The following ITGA1 variants were observed in gnomAD, a reference collection of about 807,000 sequenced individuals.
ITGA1 encodes integrin alpha-1.
In ITGA1, 85 loss-of-function variants were observed where a neutral mutation model predicts 145.9. The ratio of observed to expected loss-of-function variants is 0.58; its 90% confidence interval spans 0.49 to 0.70. The LOEUF (loss-of-function observed/expected upper bound fraction) is 0.70. Among genes scored for constraint, ITGA1 ranks in the 30% least tolerant of loss-of-function variants. The pLI is 0.00. For synonymous variants in ITGA1, 520 were observed against 495.3 expected (o/e 1.05, Z -0.66); for missense variants, 1,351 against 1,418.7 (o/e 0.95, Z 0.77).
At chr5:52,878,907 A>G (rs1027680735) in intron 6 of ITGA1, among the ~76,000 whole-genome samples, 1 of 151,832 alleles carries the variant, frequency 6.6e-6, no homozygotes, top group South Asian at 2.1e-4. Context: ...AATGAGTTAA[A>G]TGTTTGCAAA....
At chr5:52,906,023 G>A (rs1439708896) in intron 12 of ITGA1, 115 bp downstream of exon 12, 15 of 843,808 alleles carry the variant, frequency 1.8e-5, no homozygotes, top group Middle Eastern at 7.4e-4. Context: ...TAACAACTGG[G>A]AACAGGGCCC....
intron 1 of ITGA1, among the ~76,000 whole-genome samples, chr5:52,815,902 G>T (rs1748760881): frequency 6.6e-6 from 1 of 152,046 alleles, no homozygotes; most frequent in South Asian, 2.1e-4. Flanking sequence ...ATAAATTAAG[G>T]TAGCTTAATT....
At chr5:52,850,105 T>G (rs370731764) in intron 2 of ITGA1, among the ~76,000 whole-genome samples, 25 of 151,336 alleles carry the variant, frequency 1.7e-4, no homozygotes, top group East Asian at 1.6e-3. Flanking sequence ...TGGGTTCAAG[T>G]GATTCTCCTG....
At chr5:52,937,357 A>G (rs773163046) in intron 23 of ITGA1, 44 bp from the exon 24 acceptor site, 3 of 1,282,444 alleles carry the variant, frequency 2.3e-6, no homozygotes, top group Admixed American at 1.7e-5. Context: ...GAAGAATTCT[A>G]TTAAAAGAGG....
chr5:52,847,561 TTTG>T (rs1749356442), intron 1 of ITGA1, among the ~76,000 whole-genome samples: 1 of 147,702 alleles, frequency 6.8e-6, no homozygotes, highest in Non-Finnish European at 1.5e-5. Flanking sequence ...TGTTTGTTTG[TTTG>T]GTTTGTTTGA....
chr5:52,911,071 G>A (rs1413599111), intron 14 of ITGA1, among the ~76,000 whole-genome samples: 1 of 128,788 alleles, frequency 7.8e-6, no homozygotes, highest in Non-Finnish European at 1.6e-5. Context: ...TGTATATAGT[G>A]TATATATAGT....
intron 6 of ITGA1, among the ~76,000 whole-genome samples, chr5:52,878,233 C>A (rs1257680354): frequency 6.6e-6 from 1 of 152,096 alleles, no homozygotes; most frequent in Non-Finnish European, 1.5e-5. Context: ...TGAAGAGAGT[C>A]TCAGGTAGAG....
At chr5:52,919,622 G>A (rs1178043347) in intron 16 of ITGA1, among the ~76,000 whole-genome samples, 1 of 152,170 alleles carries the variant, frequency 6.6e-6, no homozygotes, top group Non-Finnish European at 1.5e-5. Flanking sequence ...TGTTCCATAT[G>A]TGCATGTATA....
chr5:52,893,900 G>T, intron 9 of ITGA1, 60 bp downstream of exon 9: 4 of 1,332,922 alleles, frequency 3.0e-6, no homozygotes, highest in Admixed American at 2.2e-5. Flanking sequence ...AGTATAATGG[G>T]ATTTTTGTAT....
At chr5:52,822,504 T>C (rs2111706574) in intron 1 of ITGA1, among the ~76,000 whole-genome samples, 1 of 152,286 alleles carries the variant, frequency 6.6e-6, no homozygotes, top group South Asian at 2.1e-4. Flanking sequence ...CATTGCTAGT[T>C]TCCTAGAAGA....
chr5:52,843,946 T>C (rs1749296388), intron 1 of ITGA1, among the ~76,000 whole-genome samples: 1 of 152,006 alleles, frequency 6.6e-6, no homozygotes, highest in Non-Finnish European at 1.5e-5. Context: ...ATTACTGTTA[T>C]TATTATTATT....
chr5:52,906,568 A>G (rs2452864), intron 12 of ITGA1, among the ~76,000 whole-genome samples: 85,809 of 152,124 alleles, frequency 0.56, 24,712 homozygotes, highest in African/African-American at 0.66. Flanking sequence ...ACACACACAC[A>G]TATTAACTGA....
chr5:52,831,563 G>T (rs888518470), intron 1 of ITGA1, among the ~76,000 whole-genome samples: 27 of 150,632 alleles, frequency 1.8e-4, no homozygotes, highest in African/African-American at 6.6e-4. Flanking sequence ...GAATTTTTAG[G>T]ATTCATAAAA....
chr5:52,932,226 A>C (rs142664191), intron 22 of ITGA1, 90 bp downstream of exon 22: 1 of 744,640 alleles, frequency 1.3e-6, no homozygotes, highest in East Asian at 2.7e-5. Context: ...GGGCATCAGC[A>C]TCACCTGGAA....
intron 9 of ITGA1, among the ~76,000 whole-genome samples, chr5:52,896,710 G>A (rs1750232714): frequency 1.3e-5 from 2 of 152,050 alleles, no homozygotes; most frequent in Admixed American, 1.3e-4. Context: ...TGTGGCTTTG[G>A]GTTTGTGAAT....
chr5:52,798,940 A>G (rs1263428113), intron 1 of ITGA1, among the ~76,000 whole-genome samples: 5 of 152,198 alleles, frequency 3.3e-5, no homozygotes, highest in Non-Finnish European at 7.3e-5. Flanking sequence ...TGCGTGACCC[A>G]GTTCCCAGCT....
At position 52,955,182 on chromosome 5, in the gene ITGA1, T is replaced by C. The variant is rs1285021382; in HGVS notation, c.*2731T>C. 3 of 151,972 alleles carry C rather than the reference T, an allele frequency of 2.0e-5. No individual in the cohort carries two copies. Among genetic ancestry groups the C allele is most frequent in the Non-Finnish European group, 4.4e-5 (3 of 67,998 alleles). 9.4% of individuals were successfully genotyped at this position (151,972 alleles called of 1,614,324 possible). A position where few individuals can be genotyped will look rare whatever the true frequency, so the allele number is the denominator to read the frequency against. ...AGGGAAAAAAAAAACAGTCTCTGAT[T>C]TGTATCATTTGCCAATTTCCATGGT... On this transcript the variant is annotated 3_prime_UTR_variant, in exon 29 of 29. Transcript: ENST00000282588.
chr5:52,915,635 C>A lies in ITGA1; in HGVS notation c.1988+41C>A. On this transcript the variant is annotated intron_variant, in intron 15 of 28. Transcript: ENST00000282588. ...ACATCCTGTTAATCTGAGACTGGGT[C>A]ACTTGCAGAGCTCCCAGTGTGATTG... 3 of 1,607,456 alleles carry A rather than the reference C, an allele frequency of 1.9e-6. No individual in the cohort carries two copies. In the South Asian group the frequency reaches 3.3e-5, roughly 18 times the overall value.
In ITGA1 at chr5:52,838,418, T is replaced by TGTG. The variant is rs1278973932; in HGVS notation, c.62-10947_62-10946insGTG. Among the ~76,000 whole-genome samples the TGTG allele has an allele frequency of 4.7e-4, 72 of 152,306 alleles. 1 individual carries two copies. Among genetic ancestry groups the TGTG allele is most frequent in the African/African-American group, 1.6e-3 (65 of 41,570 alleles). On this transcript the variant is annotated intron_variant, in intron 1 of 28. Coordinates refer to ENST00000282588, the MANE Select transcript of ITGA1 (RefSeq NM_181501.2). Reference sequence around the variant, plus strand: ...TTTTGGTTTTGGTTGAGGTACACTGTCAGAGTGTGCACAGTATTTCATTTT... The same window carrying TGTG: ...TTTTGGTTTTGGTTGAGGTACACTGTGTGCAGAGTGTGCACAGTATTTCATTTT...
Sources: allele counts gnomAD v4.1 joint callset (sites outside exome capture counted in the v4.1 genomes callset), GRCh38; gene constraint gnomAD v4.1.1; transcripts MANE v1.5; gene names NCBI Gene and HGNC (gene_info 2026-07-23, HGNC 2026-07-21).